KIF13B: variants seen among roughly 807,000 people sequenced by gnomAD.
KIF13B encodes kinesin family member 13B, also known as kinesin-like protein KIF13B.
In KIF13B, 127 loss-of-function variants were observed where a neutral mutation model predicts 222.0. The ratio of observed to expected loss-of-function variants is 0.57; its 90% CI spans 0.50 to 0.66. KIF13B has a LOEUF of 0.66. Ranked by LOEUF, KIF13B falls within the 30% of genes least tolerant of loss-of-function variation. The pLI is 0.00. For missense variants in KIF13B, 2,173 were observed against 2,379.0 expected (o/e 0.91, Z 1.80); for synonymous variants, 976 against 919.0 (o/e 1.06, Z -1.12).
intron 37 of KIF13B, among the ~76,000 whole-genome samples, chr8:29,084,336 A>G (rs1807947193): frequency 6.6e-6 from 1 of 152,236 alleles, no homozygotes; most frequent in Non-Finnish European, 1.5e-5. Flanking sequence ...TGTACAAGGC[A>G]AGAATTAGTA....
intron 37 of KIF13B, among the ~76,000 whole-genome samples, chr8:29,080,136 G>C (rs1450151333): frequency 6.6e-6 from 1 of 152,038 alleles, no homozygotes; most frequent in Non-Finnish European, 1.5e-5. Flanking sequence ...GAGCCTAGGA[G>C]TTCGAGACCA....
At chr8:29,232,503 A>G (rs1163541610) in intron 2 of KIF13B, among the ~76,000 whole-genome samples, 2 of 151,086 alleles carry the variant, frequency 1.3e-5, no homozygotes, top group African/African-American at 4.8e-5. Context: ...AGATCCCGAA[A>G]TTTGAATTTA....
intron 37 of KIF13B, among the ~76,000 whole-genome samples, chr8:29,077,998 G>C (rs751752016): frequency 3.3e-5 from 5 of 151,886 alleles, no homozygotes; most frequent in Admixed American, 6.6e-5. Flanking sequence ...AAAGCAGAGA[G>C]GAGGCCAGGC....
chr8:29,208,880 G>A (rs1226499196), intron 2 of KIF13B, among the ~76,000 whole-genome samples: 2 of 152,098 alleles, frequency 1.3e-5, no homozygotes, highest in African/African-American at 2.4e-5. Context: ...GAAAACCCTC[G>A]AAGGTTTCCT....
At chr8:29,231,762 T>TAA (rs147391122) in intron 2 of KIF13B, among the ~76,000 whole-genome samples, 2 of 146,848 alleles carry the variant, frequency 1.4e-5, no homozygotes, top group Non-Finnish European at 3.0e-5. Flanking sequence ...TTATATCCTC[T>TAA]AAAAAAAAAA....
At chr8:29,088,490 G>A (rs1808146918) in intron 37 of KIF13B, among the ~76,000 whole-genome samples, 1 of 152,152 alleles carries the variant, frequency 6.6e-6, no homozygotes, top group Non-Finnish European at 1.5e-5. Flanking sequence ...GCAAAGACTG[G>A]TTGATTATCT....
chr8:29,246,210 C>G (rs539925667), intron 1 of KIF13B, among the ~76,000 whole-genome samples: 3 of 152,042 alleles, frequency 2.0e-5, no homozygotes, highest in African/African-American at 7.2e-5. Context: ...AACCCTGTCT[C>G]TACTAAAAAT....
intron 14 of KIF13B, among the ~76,000 whole-genome samples, chr8:29,153,643 G>C (rs1438927923): frequency 1.3e-5 from 2 of 149,744 alleles, no homozygotes; most frequent in Non-Finnish European, 3.0e-5. Context: ...TACATTAAAG[G>C]CTCTTCCTCC....
intron 1 of KIF13B, among the ~76,000 whole-genome samples, chr8:29,257,876 AAAG>A (rs1816544872): frequency 6.6e-6 from 1 of 152,206 alleles, no homozygotes; most frequent in Non-Finnish European, 1.5e-5. Context: ...GATTTGGGGA[AAAG>A]AATTTAAAAG....
In KIF13B at chr8:29,243,935, T is replaced by TTCAA. The variant is rs1324241955; in HGVS notation, c.149+1407_149+1410dup. Among the ~76,000 whole-genome samples, 4 of 152,342 alleles carry TTCAA rather than the reference T, an allele frequency of 2.6e-5. No individual in the cohort carries two copies. In the East Asian group the frequency reaches 7.7e-4, roughly 29 times the overall value. On this transcript the variant is annotated intron_variant, in intron 2 of 39. Transcript: ENST00000524189. ...ACTTTTGTGAGACACGTAAGACAGGTTCAAAAAAATTAAAAATAACTCACT... is the reference window on the plus strand; with the variant it reads ...ACTTTTGTGAGACACGTAAGACAGGTTCAATCAAAAAAATTAAAAATAACTCACT...
chr8:29,216,243 A>T (rs1006795583), intron 2 of KIF13B, among the ~76,000 whole-genome samples: 1 of 152,196 alleles, frequency 6.6e-6, no homozygotes, highest in Non-Finnish European at 1.5e-5. Context: ...CATATCACAA[A>T]CAGGTTAAAT....
chr8:29,248,494 A>AAGGC (rs1816135226), intron 1 of KIF13B, among the ~76,000 whole-genome samples: 3 of 152,344 alleles, frequency 2.0e-5, no homozygotes, highest in African/African-American at 7.2e-5. Flanking sequence ...CAGAAGGCGA[A>AAGGC]AGGCACATCT....
intron 34 of KIF13B, among the ~76,000 whole-genome samples, 153 bp from the exon 35 acceptor site, chr8:29,108,345 T>C (rs923498316): frequency 6.6e-6 from 1 of 152,224 alleles, no homozygotes; most frequent in Non-Finnish European, 1.5e-5. Flanking sequence ...CTAGTGGTCT[T>C]TGGGACATTA....
chr8:29,077,941 A>T (rs1373168287), intron 37 of KIF13B, among the ~76,000 whole-genome samples: 1 of 151,996 alleles, frequency 6.6e-6, no homozygotes, highest in Non-Finnish European at 1.5e-5. Context: ...GGAACACATA[A>T]GCAAATCACT....
chr8:29,197,181 C>CA (rs1014657700), intron 2 of KIF13B, among the ~76,000 whole-genome samples: 1 of 150,712 alleles, frequency 6.6e-6, no homozygotes, highest in Non-Finnish European at 1.5e-5. Context: ...ACTAAAAATA[C>CA]AAAAAATTAG....
At position 29,134,216 on chromosome 8, in the gene KIF13B, G is replaced by A. The variant is rs773728802; in HGVS notation, c.2614-6C>T. 6.2e-6 allele frequency: 10 copies of A among 1,611,322 alleles called. No individual in the cohort carries two copies. The South Asian group carries it at 8.8e-5, about 14-fold the overall frequency. ...GTAGCTTGCAGGATTTTAACCTGAA[G>A]GAAAAAGAAGGCTCTGTGTTTTGAA... On this transcript the variant is annotated splice_region_variant and splice_polypyrimidine_tract_variant and intron_variant, in intron 21 of 39. Transcript: ENST00000524189.
chr8:29,106,687 C>T (rs1809088492), intron 35 of KIF13B, among the ~76,000 whole-genome samples: 1 of 145,402 alleles, frequency 6.9e-6, no homozygotes, highest in African/African-American at 2.5e-5. Context: ...ACTTAATCTT[C>T]ATTGTTCTTA....
intron 2 of KIF13B, among the ~76,000 whole-genome samples, chr8:29,234,331 G>A (rs1187022036): frequency 2.0e-5 from 3 of 151,884 alleles, no homozygotes; most frequent in South Asian, 2.1e-4. Flanking sequence ...AGTATTACTC[G>A]ACCTTAAAAA....
Position 29,070,195 on chromosome 8 carries a change from G to A in KIF13B, c.*309C>T, listed in dbSNP as rs756160986. On this transcript the variant is annotated 3_prime_UTR_variant, in exon 40 of 40. Coordinates refer to ENST00000524189, the MANE Select transcript of KIF13B (RefSeq NM_015254.4). The surrounding 1 kb of genome is among the most constrained non-coding windows in gnomAD (Gnocchi z 4.1). ...AGAGCAACATAAGGCCCCAGGCACAGGCACACAGCAAGATCACCAGGCGCT... is the reference window on the plus strand; with the variant it reads ...AGAGCAACATAAGGCCCCAGGCACAAGCACACAGCAAGATCACCAGGCGCT... 3.1e-5 allele frequency: 14 copies of A among 448,254 alleles called. No individual in the cohort carries two copies. The highest frequency in any genetic ancestry group is 8.3e-5 in the Admixed American group (2 of 24,204). 27.8% of individuals were successfully genotyped at this position (448,254 alleles called of 1,614,324 possible). A position where few individuals can be genotyped will look rare whatever the true frequency, so the allele number is the denominator to read the frequency against.
Sources: allele counts gnomAD v4.1 joint callset (sites outside exome capture counted in the v4.1 genomes callset), GRCh38; gene constraint gnomAD v4.1.1; non-coding constraint Gnocchi (gnomAD v3.1); transcripts MANE v1.5; gene names NCBI Gene and HGNC (gene_info 2026-07-23, HGNC 2026-07-21).